The following RGS7 variants were observed in gnomAD, a reference collection of about 807,000 sequenced individuals.
The protein encoded by RGS7 is regulator of G-protein signaling 7.
A neutral mutation model predicts 81.1 loss-of-function variants in RGS7; 27 were observed. That is an observed-to-expected ratio of 0.33 (90% confidence interval 0.25 to 0.46). RGS7 has a LOEUF of 0.46. Among genes scored for constraint, RGS7 ranks in the 20% least tolerant of loss-of-function variants. The pLI is 1.00. For missense variants in RGS7, 396 were observed against 607.4 expected, an observed-to-expected ratio of 0.65 and a Z score of 3.66; for synonymous variants, 208 against 207.7, an observed-to-expected ratio of 1.00 and a Z score of -0.01.
chr1:241,127,252 A>T (rs113484952), intron 2 of RGS7, among the ~76,000 whole-genome samples: 471 of 152,316 alleles, frequency 3.1e-3, no homozygotes, highest in Middle Eastern at 0.014. Flanking sequence ...ATTTGTTCAG[A>T]ATACATATTT....
intron 3 of RGS7, among the ~76,000 whole-genome samples, chr1:241,011,863 C>A (rs889065326): frequency 1.9e-4 from 29 of 152,002 alleles, no homozygotes; most frequent in African/African-American, 4.8e-4. Flanking sequence ...ATATATATAT[C>A]TATCTATAAA....
chr1:241,150,367 C>T (rs2068656014), intron 2 of RGS7, among the ~76,000 whole-genome samples: 1 of 152,060 alleles, frequency 6.6e-6, no homozygotes, highest in Admixed American at 6.6e-5. Context: ...ATTTCAATCT[C>T]AGTTTTGCCT....
chr1:240,827,229 G>A, intron 9 of RGS7, 57 bp from the exon 10 acceptor site: 1 of 1,362,192 alleles, frequency 7.3e-7, no homozygotes, highest in Non-Finnish European at 1.1e-6. Context: ...TTTCTGACCA[G>A]GACAATCATG....
intron 3 of RGS7, among the ~76,000 whole-genome samples, chr1:240,984,272 A>AAT (rs1172049095): frequency 6.6e-6 from 1 of 152,216 alleles, no homozygotes; most frequent in Admixed American, 6.5e-5. Flanking sequence ...TATGACTGGC[A>AAT]ATATATATGA....
At chr1:241,142,095 T>A (rs750927233) in intron 2 of RGS7, among the ~76,000 whole-genome samples, 8 of 152,226 alleles carry the variant, frequency 5.3e-5, no homozygotes, top group Non-Finnish European at 1.2e-4. Flanking sequence ...CACATCTAGG[T>A]CATGCTGATG....
chr1:240,901,874 G>C (rs781280626), intron 6 of RGS7, among the ~76,000 whole-genome samples: 1 of 152,008 alleles, frequency 6.6e-6, no homozygotes, highest in South Asian at 2.1e-4. Flanking sequence ...TTCATTCTTC[G>C]TTTCTCACAT....
At chr1:240,944,112 A>C (rs891176417) in intron 4 of RGS7, among the ~76,000 whole-genome samples, 1 of 151,664 alleles carries the variant, frequency 6.6e-6, no homozygotes, top group African/African-American at 2.4e-5. Context: ...TCATGCTGAA[A>C]TTTGAAAAAA....
At position 241,088,501 on chromosome 1, in the gene RGS7, C is replaced by T. The variant is rs148690231; in HGVS notation, c.175+10165G>A. ...CCAAAAACCAGAGACTAAAATGAAA[C>T]ACAGTCAGAGCCCAGAAATCATATT... On this transcript the variant is annotated intron_variant, in intron 3 of 18. Coordinates refer to ENST00000440928, the MANE Select transcript of RGS7 (RefSeq NM_001364886.1). 7.6e-3 allele frequency among the ~76,000 whole-genome samples: 1,148 copies of T among 152,048 alleles called. 9 individuals carry two copies. The highest frequency in any genetic ancestry group is 0.012 in the Non-Finnish European group (811 of 67,982).
chr1:241,136,448 G>C (rs2067520706), intron 2 of RGS7, among the ~76,000 whole-genome samples: 1 of 151,834 alleles, frequency 6.6e-6, no homozygotes, highest in African/African-American at 2.4e-5. Flanking sequence ...TTGGAGATAA[G>C]GGGGGGGATG....
chr1:241,099,894 T>G (rs1022833571), intron 2 of RGS7, among the ~76,000 whole-genome samples: 2 of 152,204 alleles, frequency 1.3e-5, no homozygotes. Flanking sequence ...TAGCTAATAG[T>G]GTTGTACTAA....
chr1:241,073,739 A>G (rs141955338), intron 3 of RGS7, among the ~76,000 whole-genome samples: 107 of 152,314 alleles, frequency 7.0e-4, no homozygotes, highest in Non-Finnish European at 5.4e-4. Context: ...TACAGTTAAT[A>G]AGTTAACAGA....
At chr1:240,841,705 G>A (rs983065440) in intron 9 of RGS7, among the ~76,000 whole-genome samples, 1 of 152,190 alleles carries the variant, frequency 6.6e-6, no homozygotes, top group Admixed American at 6.5e-5. Flanking sequence ...AATATTATCT[G>A]GTCTAACTTA....
At chr1:240,779,476 C>T (rs566145545) in intron 18 of RGS7, among the ~76,000 whole-genome samples, 27 of 148,080 alleles carry the variant, frequency 1.8e-4, no homozygotes, top group African/African-American at 6.6e-4. Flanking sequence ...TAAAAGAGGC[C>T]GAAGGAAGCT....
At chr1:241,158,181 C>T (rs1318434654) in intron 2 of RGS7, among the ~76,000 whole-genome samples, 1 of 152,110 alleles carries the variant, frequency 6.6e-6, no homozygotes, top group Non-Finnish European at 1.5e-5. Flanking sequence ...TCTATAGCTG[C>T]TTTTGATCCA....
intron 6 of RGS7, among the ~76,000 whole-genome samples, chr1:240,921,453 A>G (rs1436095035): frequency 6.6e-6 from 1 of 152,098 alleles, no homozygotes; most frequent in Non-Finnish European, 1.5e-5. Flanking sequence ...GAAAAAGAAA[A>G]AAAGGGTATA....
intron 2 of RGS7, among the ~76,000 whole-genome samples, chr1:241,333,375 T>G (rs922768526): frequency 1.3e-5 from 2 of 152,194 alleles, no homozygotes; most frequent in Non-Finnish European, 2.9e-5. Context: ...CAATTTTTAT[T>G]TCAAGTCTGT....
chr1:241,347,555 GT>G (rs1417561737), intron 2 of RGS7, among the ~76,000 whole-genome samples: 2 of 152,138 alleles, frequency 1.3e-5, no homozygotes, highest in Non-Finnish European at 2.9e-5. Flanking sequence ...GAAGCTTCTG[GT>G]TTTTGCTCAG....
intron 4 of RGS7, among the ~76,000 whole-genome samples, chr1:240,969,326 A>T (rs1682837647): frequency 6.6e-6 from 1 of 152,242 alleles, no homozygotes. Context: ...CAAAGAGGCC[A>T]GCCAGCTACT....
intron 3 of RGS7, among the ~76,000 whole-genome samples, chr1:241,042,942 C>T (rs1237709184): frequency 2.1e-5 from 3 of 145,132 alleles, no homozygotes; most frequent in Non-Finnish European, 4.5e-5. Context: ...GGTGACAAAG[C>T]GATACTCCGT....
Sources: allele counts gnomAD v4.1 joint callset (sites outside exome capture counted in the v4.1 genomes callset), GRCh38; gene constraint gnomAD v4.1.1; transcripts MANE v1.5; gene names NCBI Gene and HGNC (gene_info 2026-07-23, HGNC 2026-07-21).